The following CRLF1 variants were observed in gnomAD, a reference collection of about 807,000 sequenced individuals.
CRLF1 encodes cytokine receptor-like factor 1.
CRLF1 carries 36 observed loss-of-function variants against 48.9 expected under a neutral mutation model. The observed-to-expected ratio is 0.74, with a 90% CI of 0.56 to 0.97. The LOEUF (loss-of-function observed/expected upper bound fraction) is 0.97, where lower values mean the gene tolerates loss of function less well. CRLF1 is among the 50% of genes least tolerant of loss of function. CRLF1 has a pLI of 0.00. For synonymous variants in CRLF1, 256 were observed against 253.4 expected (o/e 1.01, Z -0.10); for missense variants, 534 against 575.1 (o/e 0.93, Z 0.73).
chr19:18,602,898 A>G (rs1315957992), intron 1 of CRLF1, among the ~76,000 whole-genome samples: 1 of 151,800 alleles, frequency 6.6e-6, no homozygotes, highest in Non-Finnish European at 1.5e-5. Context: ...TTTAGGAGAG[A>G]CGGAGTTTCG....
rs1976175590 is a variant in CRLF1 at position 18,598,592 on chromosome 19, G to A, written c.537C>T (p.Gly179=). 1 of 1,614,018 alleles carries A rather than the reference G, an allele frequency of 6.2e-7. No homozygotes were observed. The highest frequency in any genetic ancestry group is 2.2e-5 in the East Asian group (1 of 44,886). Residue 179 remains glycine, a synonymous_variant, in exon 4 of 9, where the codon GGC becomes GGT. Transcript: ENST00000392386. ...YSLKYKLRWY[G]QDNTCEEYHT... is the part of the protein sequence containing the mutation. ...GGTACTCCTCACATGTGTTGTCCTG[G>A]CCATACCACCTGCGGGGATGGGAGG...
At chr19:18,603,102 G>A (rs1002432921) in intron 1 of CRLF1, among the ~76,000 whole-genome samples, 3 of 152,216 alleles carry the variant, frequency 2.0e-5, no homozygotes, top group African/African-American at 4.8e-5. Flanking sequence ...GTTCGTTCAC[G>A]CGTTCATCTA....
At position 18,594,425 on chromosome 19, in the gene CRLF1, C is replaced by A. The variant is rs767121196; in HGVS notation, c.1034G>T (p.Gly345Val). The A allele has an allele frequency of 1.3e-6, 2 of 1,491,040 alleles. No individual in the cohort carries two copies. Among genetic ancestry groups the A allele is most frequent in the Non-Finnish European group, 8.9e-7 (1 of 1,119,266 alleles). 92.4% of individuals were successfully genotyped at this position (1,491,040 alleles called of 1,614,324 possible). A position where few individuals can be genotyped will look rare whatever the true frequency, so the allele number is the denominator to read the frequency against. ...CGGTTCGCACGCCCCGCCGCCCGGG[C>A]CCGGGCGCTCTGGTGGTGGGCGGAG... Reference protein sequence around the residue: ...AASTPRSERPGPGGGACEPRG... With the variant: ...AASTPRSERPVPGGGACEPRG... The change falls in exon 7 of 9, where the codon GGC (glycine) becomes GTC (valine). Residue 345 changes from glycine (G) to valine (V), a missense_variant. Coordinates refer to ENST00000392386, the MANE Select transcript of CRLF1 (RefSeq NM_004750.5).
intron 2 of CRLF1, 32 bp downstream of exon 2, chr19:18,599,533 C>CT (rs1568441581): frequency 6.2e-7 from 1 of 1,611,474 alleles, no homozygotes; most frequent in Non-Finnish European, 8.5e-7. Flanking sequence ...CTCCCAAGAG[C>CT]TACCCCTGGG....
At chr19:18,599,442 C>G (rs1234188556) in intron 2 of CRLF1, 123 bp downstream of exon 2, 1 of 1,388,748 alleles carries the variant, frequency 7.2e-7, no homozygotes, top group Admixed American at 1.8e-5. Context: ...GAAAGACCTG[C>G]ATAGCCATGC....
chr19:18,594,032 T>TTTGGGGCC, intron 8 of CRLF1, 33 bp downstream of exon 8: 3 of 695,810 alleles, frequency 4.3e-6, no homozygotes, highest in South Asian at 1.8e-5. Context: ...CTCCCCTTGC[T>TTTGGGGCC]CCCTCCCGCC....
Position 18,606,551 on chromosome 19 carries a change from A to C in CRLF1, c.106T>G (p.Ser36Ala). ...LCVLGAPRAG[S>A]GAHTAVISPQ... The stretch of plus-strand genomic sequence containing the variant: ...GGCGCCGGGTACTCACGGGCTCCTG[A>C]TCCGGCTCGCGGCGCCCCGAGGACG... The change falls in exon 1 of 9, where the codon TCA (serine) becomes GCA (alanine). Residue 36 changes from serine (S) to alanine (A), a missense_variant. This residue lies in a region of CRLF1 where 528 missense variants were observed against 555.7 expected (regional missense o/e 0.95). Coordinates refer to ENST00000392386, the MANE Select transcript of CRLF1 (RefSeq NM_004750.5). This position sits in a 1 kb window ranked among gnomAD's most constrained non-coding sequence, Gnocchi z 4.8. 1 of 1,143,934 alleles carries C rather than the reference A, an allele frequency of 8.7e-7. No individual in the cohort carries two copies. The highest frequency in any genetic ancestry group is 1.1e-6 in the Non-Finnish European group (1 of 932,978). 70.9% of individuals were successfully genotyped at this position (1,143,934 alleles called of 1,614,324 possible). A position where few individuals can be genotyped will look rare whatever the true frequency, so the allele number is the denominator to read the frequency against.
intron 6 of CRLF1, among the ~76,000 whole-genome samples, chr19:18,595,193 GC>G (rs1267738000): frequency 6.6e-6 from 1 of 152,186 alleles, no homozygotes; most frequent in Non-Finnish European, 1.5e-5. Context: ...CACGGCCCCG[GC>G]CCCCGCCGCC....
In CRLF1 at chr19:18,596,671, C is replaced by T. The variant is rs1340953244; in HGVS notation, c.975G>A (p.Gly325=). ...PFGIYGSKKA[G]IWSEWSHPTA... ...TGGGGTGGCTCCACTCACTCCAGATCCCGGCTTTCTTGGAGCCATAGATGC... is the reference window on the plus strand; with the variant it reads ...TGGGGTGGCTCCACTCACTCCAGATTCCGGCTTTCTTGGAGCCATAGATGC... The change falls in exon 6 of 9, where the codon GGG becomes GGA. Residue 325 remains glycine, a synonymous_variant. Coordinates refer to ENST00000392386, the MANE Select transcript of CRLF1 (RefSeq NM_004750.5). The T allele has an allele frequency of 1.9e-6, 3 of 1,613,942 alleles. No homozygotes were observed. Among genetic ancestry groups the T allele is most frequent in the African/African-American group, 1.3e-5 (1 of 74,936 alleles).
intron 3 of CRLF1, 59 bp from the exon 4 acceptor site, chr19:18,598,660 C>T (rs1455760058): frequency 5.0e-6 from 8 of 1,613,778 alleles, no homozygotes; most frequent in Non-Finnish European, 6.8e-6. Flanking sequence ...CCAGACCTCA[C>T]CATGGCAGCC....
At chr19:18,594,032 T>TCA in intron 8 of CRLF1, 33 bp downstream of exon 8, 1 of 695,814 alleles carries the variant, frequency 1.4e-6, no homozygotes, top group South Asian at 1.8e-5. Flanking sequence ...CTCCCCTTGC[T>TCA]CCCTCCCGCC....
intron 6 of CRLF1, among the ~76,000 whole-genome samples, chr19:18,596,076 TTCTAGGGAA>T (rs1250064960): frequency 6.6e-6 from 1 of 152,216 alleles, no homozygotes; most frequent in Non-Finnish European, 1.5e-5. Flanking sequence ...TAATTTATTT[TTCTAGGGAA>T]TCTAGGATAT....
intron 1 of CRLF1, among the ~76,000 whole-genome samples, chr19:18,604,948 G>A (rs895665530): frequency 1.1e-4 from 16 of 152,256 alleles, no homozygotes; most frequent in South Asian, 4.1e-4. Flanking sequence ...CAAGCAGGGC[G>A]GAAGGGTGGC....
chr19:18,597,041 C>A lies in CRLF1; in HGVS notation c.706G>T (p.Asp236Tyr). 6.2e-7 allele frequency: 1 copy of A among 1,612,480 alleles called. No homozygotes were observed. The highest frequency in any genetic ancestry group is 8.5e-7 in the Non-Finnish European group (1 of 1,179,398). ...TLDILDVVTT[D>Y]PPPDVHVSRV... ...CTCACGTGCACGTCGGGCGGGGGGT[C>A]CGTGGTCACTGCGGGGCAGAGGAGG... Residue 236 changes from aspartate (D) to tyrosine (Y), a missense_variant, in exon 5 of 9, where the codon GAC becomes TAC. Physicochemically the swap from Asp to Tyr is radical, Grantham distance 160 (BLOSUM62 -3). Transcript: ENST00000392386.
intron 1 of CRLF1, 91 bp from the exon 2 acceptor site, chr19:18,599,937 G>T: frequency 7.7e-7 from 1 of 1,294,310 alleles, no homozygotes. Flanking sequence ...TGGTGGTCCT[G>T]AAAAGACGCT....
chr19:18,596,401 A>G (rs1258170678), intron 6 of CRLF1, among the ~76,000 whole-genome samples: 1 of 152,162 alleles, frequency 6.6e-6, no homozygotes, highest in East Asian at 1.9e-4. Context: ...TTAGCTGTGC[A>G]TGTTGGCGCG....
At chr19:18,604,227 C>G (rs2145336832) in intron 1 of CRLF1, among the ~76,000 whole-genome samples, 1 of 152,304 alleles carries the variant, frequency 6.6e-6, no homozygotes. Context: ...GCGTGGCTCA[C>G]TTGCCAGCAG....
At chr19:18,597,146 C>T in intron 4 of CRLF1, 97 bp from the exon 5 acceptor site, 1 of 1,326,546 alleles carries the variant, frequency 7.5e-7, no homozygotes, top group Admixed American at 2.2e-5. Flanking sequence ...ATGGAACCTG[C>T]CTCTGTTTTC....
intron 4 of CRLF1, among the ~76,000 whole-genome samples, chr19:18,597,734 C>T (rs1299852392): frequency 6.6e-6 from 1 of 152,090 alleles, no homozygotes; most frequent in Non-Finnish European, 1.5e-5. Flanking sequence ...GCCCGGCCCT[C>T]CCTTCCACTC....
Sources: allele counts gnomAD v4.1 joint callset (sites outside exome capture counted in the v4.1 genomes callset), GRCh38; gene constraint gnomAD v4.1.1; regional missense constraint gnomAD v4.1.1; non-coding constraint Gnocchi (gnomAD v3.1); transcripts MANE v1.5; gene names NCBI Gene and HGNC (gene_info 2026-07-23, HGNC 2026-07-21).